The following ITPR1 variants were observed in gnomAD, a reference collection of about 807,000 sequenced individuals.
The protein encoded by ITPR1 is inositol 1,4,5-trisphosphate receptor type 1, also known as inositol 1,4,5-trisphosphate-gated calcium channel ITPR1.
ITPR1 carries 96 observed loss-of-function variants against 318.4 expected under a neutral mutation model. The ratio of observed to expected loss-of-function variants is 0.30; its 90% confidence interval spans 0.26 to 0.36. ITPR1 has a LOEUF of 0.36. Among genes scored for constraint, ITPR1 ranks in the 10% least tolerant of loss-of-function variants. The pLI is 1.00. For missense variants in ITPR1, 2,440 were observed against 3,460.2 expected (o/e 0.71, Z 7.40); for synonymous variants, 1,312 against 1,289.9 (o/e 1.02, Z -0.37).
At chr3:4,510,466 G>A (rs2081728231) in intron 2 of ITPR1, among the ~76,000 whole-genome samples, 1 of 152,214 alleles carries the variant, frequency 6.6e-6, no homozygotes, top group South Asian at 2.1e-4. Context: ...TACTGGCTGA[G>A]ACTCAGGTTA....
intron 59 of ITPR1, 76 bp downstream of exon 59, chr3:4,815,294 T>G: frequency 6.8e-7 from 1 of 1,464,522 alleles, no homozygotes; most frequent in South Asian, 1.2e-5. Flanking sequence ...TGCGAGGGTG[T>G]GATGGGCGGG....
chr3:4,674,268 G>A lies in ITPR1; in HGVS notation c.2523G>A (p.Val841=), dbSNP rs2094143291. 6.3e-7 allele frequency: 1 copy of A among 1,587,618 alleles called. No individual in the cohort carries two copies. The highest frequency in any genetic ancestry group is 2.3e-5 in the East Asian group (1 of 44,224). The change falls in exon 22 of 62, where the codon GTG becomes GTA. Residue 841 remains valine, a synonymous_variant. Transcript: ENST00000649015. ...GATTTGCTCAGACCATGGAGTTTGT[G>A]GAGGAGTATTTAAGAGATGTGGTTT... The part of the protein sequence containing the change: ...KERFAQTMEF[V]EEYLRDVVCQ...
chr3:4,539,435 G>GT (rs1223413903), intron 4 of ITPR1, among the ~76,000 whole-genome samples: 3 of 151,918 alleles, frequency 2.0e-5, no homozygotes, highest in South Asian at 2.1e-4. Context: ...GAGTTTGTTG[G>GT]TTTTTTTATC....
chr3:4,732,295 A>T (rs568149805), intron 42 of ITPR1, among the ~76,000 whole-genome samples: 3 of 152,188 alleles, frequency 2.0e-5, no homozygotes, highest in Non-Finnish European at 4.4e-5. Context: ...AAAAAATTTT[A>T]TTACAGAAAG....
Position 4,618,306 on chromosome 3 carries a change from T to G in ITPR1, c.164-9457T>G, listed in dbSNP as rs80285143. On this transcript the variant is annotated intron_variant, in intron 4 of 61. Coordinates refer to ENST00000649015, the MANE Select transcript of ITPR1 (RefSeq NM_001378452.1). ...TCCAGAGGCAACAATTTCAAATATT[T>G]TAACATTTTCTTCTGATATTTACCA... Among the ~76,000 whole-genome samples the G allele has an allele frequency of 6.1e-3, 934 of 152,308 alleles. 13 individuals carry two copies. Among genetic ancestry groups the G allele is most frequent in the African/African-American group, 0.021 (893 of 41,566 alleles).
chr3:4,588,296 C>T (rs2090092176), intron 4 of ITPR1, among the ~76,000 whole-genome samples: 1 of 152,034 alleles, frequency 6.6e-6, no homozygotes, highest in Non-Finnish European at 1.5e-5. Flanking sequence ...TGTAACTTTG[C>T]AGACTTTTTT....
chr3:4,560,439 T>C (rs1043683209), intron 4 of ITPR1, among the ~76,000 whole-genome samples: 2 of 152,182 alleles, frequency 1.3e-5, no homozygotes, highest in African/African-American at 4.8e-5. Flanking sequence ...AATGTTGATA[T>C]CAACTTCCTG....
intron 4 of ITPR1, among the ~76,000 whole-genome samples, chr3:4,563,877 T>A (rs2086937048): frequency 6.6e-6 from 1 of 152,204 alleles, no homozygotes; most frequent in Non-Finnish European, 1.5e-5. Flanking sequence ...ACAAGCTGAA[T>A]GGCTTGAACG....
Position 4,725,558 on chromosome 3 carries a change from C to T in ITPR1, c.5149C>T (p.Pro1717Ser), listed in dbSNP as rs1249724552. Residue 1717 changes from proline (P) to serine (S), a missense_variant, in exon 41 of 62, where the codon CCG becomes TCG. Pro to Ser is a moderately conservative substitution (Grantham distance 74). Around this residue, in one of 23 missense-constraint regions of ITPR1, gnomAD observed 166 missense variants for 143.7 expected, o/e 1.16. Transcript: ENST00000649015. ...ELDNAELPPAPDSENATEELE... is the reference protein window; with the variant it reads ...ELDNAELPPASDSENATEELE... Reference sequence around the variant, plus strand: ...TACTCCCAATTAGCTTCCTCCAGCTCCGGATTCTGAGAACGCCACTGAGGT... The same window carrying T: ...TACTCCCAATTAGCTTCCTCCAGCTTCGGATTCTGAGAACGCCACTGAGGT... 1.9e-6 allele frequency: 3 copies of T among 1,599,214 alleles called. No individual in the cohort carries two copies. Among genetic ancestry groups the T allele is most frequent in the Non-Finnish European group, 2.5e-6 (3 of 1,179,634 alleles).
chr3:4,499,546 G>T (rs751687261), intron 2 of ITPR1, among the ~76,000 whole-genome samples: 2 of 151,932 alleles, frequency 1.3e-5, no homozygotes, highest in Admixed American at 6.6e-5. Flanking sequence ...ACACATACAC[G>T]TATTTAACAG....
At chr3:4,634,534 C>T (rs558541199) in intron 5 of ITPR1, among the ~76,000 whole-genome samples, 1 of 152,224 alleles carries the variant, frequency 6.6e-6, no homozygotes, top group East Asian at 1.9e-4. Context: ...GTACCTGACA[C>T]AGAGACATGA....
chr3:4,701,243 T>C (rs2094646380), intron 35 of ITPR1, among the ~76,000 whole-genome samples: 1 of 152,226 alleles, frequency 6.6e-6, no homozygotes, highest in South Asian at 2.1e-4. Context: ...TGTTGGGTTC[T>C]CATCCCAAAT....
chr3:4,530,731 T>C (rs1050824239), intron 4 of ITPR1, among the ~76,000 whole-genome samples: 2 of 152,010 alleles, frequency 1.3e-5, no homozygotes, highest in Non-Finnish European at 2.9e-5. Context: ...CAGTGAGCCA[T>C]GTTTGCACCA....
chr3:4,667,356 C>T, intron 17 of ITPR1, 21 bp from the exon 18 acceptor site: 2 of 1,574,066 alleles, frequency 1.3e-6, no homozygotes, highest in South Asian at 1.2e-5. Context: ...CTACTGACGT[C>T]TCTTTTCTCT....
intron 12 of ITPR1, among the ~76,000 whole-genome samples, chr3:4,655,693 C>G (rs994138908): frequency 6.6e-6 from 1 of 152,162 alleles, no homozygotes; most frequent in Non-Finnish European, 1.5e-5. Flanking sequence ...CCTCAGAGTT[C>G]AGTGGTCTTT....
chr3:4,610,207 C>T (rs980249145), intron 4 of ITPR1, among the ~76,000 whole-genome samples: 3 of 152,132 alleles, frequency 2.0e-5, no homozygotes, highest in African/African-American at 4.8e-5. Flanking sequence ...AACCTTCTTA[C>T]TGCCTCTCCC....
At chr3:4,818,022 A>G in intron 59 of ITPR1, 60 bp from the exon 60 acceptor site, 8 of 1,436,918 alleles carry the variant, frequency 5.6e-6, no homozygotes, top group Non-Finnish European at 7.5e-6. Flanking sequence ...TCTGTTATTG[A>G]TTTTTTTTCT....
chr3:4,687,921 G>A (rs1036828970), intron 30 of ITPR1, among the ~76,000 whole-genome samples: 4 of 152,170 alleles, frequency 2.6e-5, no homozygotes, highest in African/African-American at 9.7e-5. Context: ...CATGGGAGCT[G>A]ATGGCAAAAG....
At chr3:4,694,975 T>A (rs1426400018) in intron 33 of ITPR1, among the ~76,000 whole-genome samples, 1 of 152,218 alleles carries the variant, frequency 6.6e-6, no homozygotes, top group African/African-American at 2.4e-5. Flanking sequence ...CCCACCCCCT[T>A]TTTGTAAATG....
Sources: allele counts gnomAD v4.1 joint callset (sites outside exome capture counted in the v4.1 genomes callset), GRCh38; gene constraint gnomAD v4.1.1; regional missense constraint gnomAD v4.1.1; transcripts MANE v1.5; gene names NCBI Gene and HGNC (gene_info 2026-07-23, HGNC 2026-07-21).